Variants in AFG2A observed in about 807,000 individuals in gnomAD.
AFG2A encodes ATPase family gene 2 protein homolog A.
the AFG2A span, among the ~76,000 whole-genome samples, chr4:123,218,499 G>A: frequency 3.3e-5 from 5 of 152,116 alleles, no homozygotes; most frequent in South Asian, 2.1e-4. Flanking sequence ...GAACTCCTTC[G>A]TGGTGGAGAT....
the AFG2A span, among the ~76,000 whole-genome samples, chr4:123,155,682 T>C: frequency 6.6e-6 from 1 of 152,170 alleles, no homozygotes; most frequent in Non-Finnish European, 1.5e-5. Context: ...CTAGAAATGA[T>C]TTAAAGTATA....
the AFG2A span, among the ~76,000 whole-genome samples, chr4:123,197,901 T>C: frequency 1.3e-5 from 2 of 152,168 alleles, no homozygotes; most frequent in Non-Finnish European, 2.9e-5. Context: ...TTTTGAATGC[T>C]GAACAACACA....
the AFG2A span, among the ~76,000 whole-genome samples, chr4:123,134,456 T>C: frequency 6.6e-6 from 1 of 152,154 alleles, no homozygotes; most frequent in African/African-American, 2.4e-5. Context: ...ATTCCATTCG[T>C]TGATGTGTCT....
the AFG2A span, among the ~76,000 whole-genome samples, chr4:123,277,939 T>C: frequency 6.6e-6 from 1 of 152,216 alleles, no homozygotes; most frequent in African/African-American, 2.4e-5. Context: ...GTTTTCTTTT[T>C]TTGTTGTGTT....
chr4:123,151,516 C>A, the AFG2A span, among the ~76,000 whole-genome samples: 19 of 152,082 alleles, frequency 1.2e-4, no homozygotes, highest in Non-Finnish European at 2.5e-4. Flanking sequence ...ATGCAACCAA[C>A]AAACATAAGA....
chr4:123,170,735 T>C, the AFG2A span, among the ~76,000 whole-genome samples: 1 of 152,204 alleles, frequency 6.6e-6, no homozygotes, highest in South Asian at 2.1e-4. Context: ...GAGTGTTGAC[T>C]TAGAGAATGT....
the AFG2A span, among the ~76,000 whole-genome samples, chr4:122,954,471 G>A: frequency 1.3e-5 from 2 of 152,128 alleles, no homozygotes; most frequent in African/African-American, 4.8e-5. Flanking sequence ...GACCTCTATG[G>A]GCTTATCCCA....
chr4:123,161,991 C>T, the AFG2A span, among the ~76,000 whole-genome samples: 1 of 150,800 alleles, frequency 6.6e-6, no homozygotes, highest in East Asian at 2.0e-4. Flanking sequence ...GGATGAGGGT[C>T]TGCAAGTGGT....
the AFG2A span, among the ~76,000 whole-genome samples, chr4:123,199,466 T>G: frequency 1.6e-5 from 2 of 128,090 alleles, no homozygotes; most frequent in South Asian, 2.8e-4. Context: ...TCAGAGGTTT[T>G]TTTTTTTTTT....
chr4:123,173,596 C>T, the AFG2A span, among the ~76,000 whole-genome samples: 6 of 151,966 alleles, frequency 3.9e-5, no homozygotes, highest in Non-Finnish European at 5.9e-5. Context: ...CCTCATGATC[C>T]GCCTGTCTCA....
the AFG2A span, among the ~76,000 whole-genome samples, chr4:123,155,778 G>C: frequency 1.1e-4 from 16 of 152,068 alleles, no homozygotes; most frequent in African/African-American, 3.6e-4. Context: ...ATCTGCAGGA[G>C]GTCCTGGAAC....
the AFG2A span, among the ~76,000 whole-genome samples, chr4:123,248,083 A>T: frequency 1.3e-5 from 2 of 151,826 alleles, no homozygotes; most frequent in Non-Finnish European, 2.9e-5. Context: ...CAAAAAAAAA[A>T]TTGTCTAGTA....
chr4:123,094,763 G>A, the AFG2A span, among the ~76,000 whole-genome samples: 14 of 151,990 alleles, frequency 9.2e-5, no homozygotes, highest in African/African-American at 3.4e-4. Flanking sequence ...AAGAAAAGCT[G>A]GCTCTAACAC....
the AFG2A span, among the ~76,000 whole-genome samples, chr4:123,313,567 ATGT>A: frequency 6.6e-6 from 1 of 152,204 alleles, no homozygotes; most frequent in Non-Finnish European, 1.5e-5. Context: ...TGTTAAAAGT[ATGT>A]GCGTGCACAG....
chr4:123,198,180 A>T, the AFG2A span, among the ~76,000 whole-genome samples: 1 of 151,840 alleles, frequency 6.6e-6, no homozygotes, highest in African/African-American at 2.4e-5. Context: ...GAGGCAGGAG[A>T]ATCGCTTGAG....
the AFG2A span, among the ~76,000 whole-genome samples, chr4:123,129,001 T>C: frequency 6.8e-6 from 1 of 146,510 alleles, no homozygotes; most frequent in Non-Finnish European, 1.5e-5. Context: ...CTTGCATTGT[T>C]AATGCATGTC....
the AFG2A span, among the ~76,000 whole-genome samples, chr4:123,094,799 C>T: frequency 6.6e-6 from 1 of 151,630 alleles, no homozygotes; most frequent in African/African-American, 2.4e-5. Context: ...GAAAGTCTAC[C>T]ACGAACAGTT....
the AFG2A span, among the ~76,000 whole-genome samples, chr4:123,109,573 A>G: frequency 6.6e-6 from 1 of 152,188 alleles, no homozygotes; most frequent in Non-Finnish European, 1.5e-5. Context: ...TGAGCCTCAT[A>G]GGAAAAGATT....
At chr4:123,024,248 AAAG>A in the AFG2A span, among the ~76,000 whole-genome samples, 1 of 151,208 alleles carries the variant, frequency 6.6e-6, no homozygotes, top group Non-Finnish European at 1.5e-5. Context: ...AAAAGAAACA[AAAG>A]AAAAAATAAA....
Sources: gnomAD v4.1 joint callset for allele counts (sites outside exome capture counted in the v4.1 genomes callset) on GRCh38, gnomAD v4.1.1 for gene constraint, MANE v1.5 for transcripts, NCBI Gene and HGNC (gene_info 2026-07-23, HGNC 2026-07-21) for gene names.